The following ELMO1 variants were observed in gnomAD, a reference collection of about 807,000 sequenced individuals.
ELMO1 encodes the protein engulfment and cell motility 1.
A neutral mutation model predicts 98.9 loss-of-function variants in ELMO1; 26 were observed. That is an observed-to-expected ratio of 0.26 (90% CI 0.19 to 0.36). ELMO1 has a LOEUF of 0.36. ELMO1 is among the 10% of genes least tolerant of loss of function. The pLI is 1.00. For missense variants in ELMO1, 627 were observed against 935.2 expected (o/e 0.67, Z 4.30); for synonymous variants, 346 against 346.0 (o/e 1.00, Z 0.00).
intron 13 of ELMO1, among the ~76,000 whole-genome samples, chr7:37,187,839 C>T (rs1296954433): frequency 1.3e-5 from 2 of 152,122 alleles, no homozygotes; most frequent in Non-Finnish European, 2.9e-5. Flanking sequence ...TGAGACAGCA[C>T]AGTTTTTAAA....
intron 16 of ELMO1, among the ~76,000 whole-genome samples, chr7:36,907,029 G>C (rs1225132564): frequency 2.6e-5 from 4 of 152,074 alleles, no homozygotes; most frequent in Admixed American, 6.5e-5. Flanking sequence ...TAAAGGAAGA[G>C]ACCATGCTTC....
intron 14 of ELMO1, among the ~76,000 whole-genome samples, chr7:37,101,459 C>A (rs1784637400): frequency 6.6e-6 from 1 of 152,166 alleles, no homozygotes. Context: ...GGGCTACATT[C>A]TCTTTTATAC....
intron 14 of ELMO1, among the ~76,000 whole-genome samples, chr7:37,132,318 T>G (rs1164689955): frequency 6.6e-6 from 1 of 152,220 alleles, no homozygotes; most frequent in Non-Finnish European, 1.5e-5. Flanking sequence ...AAATACTTTC[T>G]AAGCTTACAT....
At chr7:37,141,317 T>C (rs1787625040) in intron 13 of ELMO1, among the ~76,000 whole-genome samples, 1 of 152,168 alleles carries the variant, frequency 6.6e-6, no homozygotes, top group African/African-American at 2.4e-5. Context: ...TTCTCACTCA[T>C]GTGGGAGCTA....
intron 16 of ELMO1, among the ~76,000 whole-genome samples, chr7:36,910,554 G>C (rs527490718): frequency 2.0e-5 from 3 of 152,292 alleles, no homozygotes; most frequent in Admixed American, 2.0e-4. Flanking sequence ...GAAAACAACA[G>C]GCACTGGAAT....
At chr7:36,912,971 T>C (rs1217081379) in intron 16 of ELMO1, among the ~76,000 whole-genome samples, 5 of 152,222 alleles carry the variant, frequency 3.3e-5, no homozygotes, top group Non-Finnish European at 7.3e-5. Flanking sequence ...TTGTGTATCT[T>C]TGTGAAGCTG....
chr7:37,402,076 G>A (rs1803562464), intron 1 of ELMO1, among the ~76,000 whole-genome samples: 1 of 152,164 alleles, frequency 6.6e-6, no homozygotes, highest in African/African-American at 2.4e-5. Flanking sequence ...CCTGTGGCAC[G>A]TAAAACTTAC....
intron 16 of ELMO1, among the ~76,000 whole-genome samples, chr7:36,986,745 C>T (rs138991336): frequency 0.013 from 2,048 of 152,246 alleles, 15 homozygotes; most frequent in Middle Eastern, 0.034. Flanking sequence ...CATAGAACCA[C>T]CTCGCGATAC....
chr7:37,391,004 G>GT (rs1481288288), intron 1 of ELMO1, among the ~76,000 whole-genome samples: 7 of 136,582 alleles, frequency 5.1e-5, no homozygotes, highest in African/African-American at 1.7e-4. Flanking sequence ...TGGGAAAGTA[G>GT]TCCCTTCCTT....
intron 14 of ELMO1, among the ~76,000 whole-genome samples, chr7:37,120,632 T>A (rs1266432851): frequency 6.6e-6 from 1 of 152,066 alleles, no homozygotes; most frequent in African/African-American, 2.4e-5. Flanking sequence ...GCCGGGAAGC[T>A]CAAACTGGGT....
chr7:37,297,116 G>A (rs1367356009), intron 4 of ELMO1, among the ~76,000 whole-genome samples: 2 of 152,152 alleles, frequency 1.3e-5, no homozygotes, highest in African/African-American at 4.8e-5. Context: ...GCTTTATATT[G>A]AGGCTCTCTC....
chr7:37,285,976 C>A (rs1797373779), intron 4 of ELMO1, among the ~76,000 whole-genome samples: 1 of 151,736 alleles, frequency 6.6e-6, no homozygotes, highest in Admixed American at 6.6e-5. Context: ...TCTCAGAAAG[C>A]CACAAAGTGC....
intron 7 of ELMO1, among the ~76,000 whole-genome samples, chr7:37,241,416 A>G (rs1794761100): frequency 6.6e-6 from 1 of 152,064 alleles, no homozygotes; most frequent in East Asian, 1.9e-4. Context: ...CATCTCTTAT[A>G]AACAGCATAG....
chr7:37,164,707 T>C (rs977405176), intron 13 of ELMO1, among the ~76,000 whole-genome samples: 1 of 150,276 alleles, frequency 6.7e-6, no homozygotes, highest in Non-Finnish European at 1.5e-5. Context: ...ATCTCTGTTT[T>C]GGTACCAGTA....
intron 19 of ELMO1, among the ~76,000 whole-genome samples, chr7:36,872,659 C>T (rs532656427): frequency 2.6e-4 from 40 of 152,256 alleles, no homozygotes; most frequent in African/African-American, 9.1e-4. Context: ...CAAGAACTGG[C>T]CTCCTTTCCC....
chr7:37,399,275 G>A lies in ELMO1; in HGVS notation c.-74+49400C>T, dbSNP rs369829564. ...ACAGAGATGGGAGCAAATCTCTCCC[G>A]GGACTGGAGTGGAGGCAGTGGGTTC... On this transcript the variant is annotated intron_variant, in intron 1 of 21. Coordinates refer to ENST00000310758, the MANE Select transcript of ELMO1 (RefSeq NM_014800.11). 8.6e-4 allele frequency among the ~76,000 whole-genome samples: 131 copies of A among 152,336 alleles called. 4 individuals carry two copies. In the South Asian group the frequency reaches 0.026, roughly 30 times the overall value.
At chr7:37,391,006 CCCTT>C (rs56315543) in intron 1 of ELMO1, among the ~76,000 whole-genome samples, 21,784 of 129,912 alleles carry the variant, frequency 0.17, 1,843 homozygotes, top group Non-Finnish European at 0.19. Flanking sequence ...GGAAAGTAGT[CCCTT>C]CCTTCCTTCC....
At chr7:37,018,487 AT>A (rs199976131) in intron 15 of ELMO1, among the ~76,000 whole-genome samples, 16 of 146,482 alleles carry the variant, frequency 1.1e-4, no homozygotes, top group South Asian at 2.2e-4. Flanking sequence ...ATTAGTTACT[AT>A]TTTTTTTTTA....
At chr7:36,882,015 G>A (rs978454787) in intron 18 of ELMO1, among the ~76,000 whole-genome samples, 1 of 152,214 alleles carries the variant, frequency 6.6e-6, no homozygotes, top group African/African-American at 2.4e-5. Context: ...AGCCCAGCAA[G>A]CTGAACAATG....
Sources: allele counts gnomAD v4.1 joint callset (sites outside exome capture counted in the v4.1 genomes callset), GRCh38; gene constraint gnomAD v4.1.1; transcripts MANE v1.5; gene names NCBI Gene and HGNC (gene_info 2026-07-23, HGNC 2026-07-21).